CTDNEP1: variants seen among roughly 807,000 people sequenced by gnomAD.
The protein encoded by CTDNEP1 is C-terminal domain nuclear envelope phosphatase 1.
Under a neutral mutation model 30.1 loss-of-function variants are expected in CTDNEP1, and 3 were observed. The ratio of observed to expected loss-of-function variants is 0.10; its 90% CI spans 0.05 to 0.26. The LOEUF (loss-of-function observed/expected upper bound fraction) is 0.26. CTDNEP1 is among the 10% of genes least tolerant of loss of function. CTDNEP1 has a pLI of 1.00. For missense variants in CTDNEP1, 158 were observed against 310.4 expected, an observed-to-expected ratio of 0.51 and a Z score of 3.69; for synonymous variants, 123 against 118.8, an observed-to-expected ratio of 1.04 and a Z score of -0.23.
chr17:7,251,160 C>T lies in CTDNEP1; in HGVS notation c.102+35G>A, dbSNP rs760972042. ...GACAGATGTCCCCAACACCGCCAGA[C>T]GTCCCCAACACCGCCAGCGCCCACC... On this transcript the variant is annotated intron_variant, in intron 1 of 7. Coordinates refer to ENST00000574322, the MANE Select transcript of CTDNEP1 (RefSeq NM_001143775.2). The T allele has an allele frequency of 8.1e-6, 12 of 1,474,196 alleles. No homozygotes were observed. In the South Asian group the frequency reaches 9.8e-5, roughly 12 times the overall value. The allele number at this position is 1,474,196 out of a possible 1,614,324, so 91.3% of individuals were successfully genotyped here.
chr17:7,246,764 A>G lies in CTDNEP1; in HGVS notation c.360+27T>C, dbSNP rs1427561013. Reference sequence around the variant, plus strand: ...CCCTAAAACCATTCCTTCATTACAGAGCTCCCTTTAGCTCTCCAAAACTCA... The same window carrying G: ...CCCTAAAACCATTCCTTCATTACAGGGCTCCCTTTAGCTCTCCAAAACTCA... On this transcript the variant is annotated intron_variant, in intron 4 of 7. Transcript: ENST00000574322. This position sits in a 1 kb window ranked among gnomAD's most constrained non-coding sequence, Gnocchi z 4.9. 6.3e-7 allele frequency: 1 copy of G among 1,582,796 alleles called. No homozygotes were observed. The highest frequency in any genetic ancestry group is 2.2e-5 in the East Asian group (1 of 44,756).
At chr17:7,244,430 C>T (rs948324252) in intron 7 of CTDNEP1, 121 bp downstream of exon 7, 40 of 1,238,734 alleles carry the variant, frequency 3.2e-5, no homozygotes, top group Admixed American at 2.8e-4. Flanking sequence ...GACCTGGGTC[C>T]AAATGTTAAA....
rs751135159 is a variant in CTDNEP1, at chr17:7,251,179, G to A, written c.102+16C>T. 1.3e-6 allele frequency: 2 copies of A among 1,577,564 alleles called. No individual in the cohort carries two copies. The highest frequency in any genetic ancestry group is 1.2e-5 in the South Asian group (1 of 86,274). On this transcript the variant is annotated intron_variant, in intron 1 of 7. Coordinates refer to ENST00000574322, the MANE Select transcript of CTDNEP1 (RefSeq NM_001143775.2). ...GCCAGACGTCCCCAACACCGCCAGC[G>A]CCCACCCTGGCTCACCGTGCGGATC... is the stretch of plus-strand genomic sequence containing the variant.
Position 7,246,421 on chromosome 17 carries a change from T to C in CTDNEP1, c.361-51A>G, listed in dbSNP as rs1306951034. 7.7e-7 allele frequency: 1 copy of C among 1,294,730 alleles called. No homozygotes were observed. The highest frequency in any genetic ancestry group is 1.1e-6 in the Non-Finnish European group (1 of 892,748). The allele number at this position is 1,294,730 out of a possible 1,614,324, so 80.2% of individuals were successfully genotyped here. ...ATGCCATACAAGGTGATGATTCCTT[T>C]AGACATACAGTTATCTTTCAGAAAG... is the stretch of plus-strand genomic sequence containing the variant. On this transcript the variant is annotated intron_variant, in intron 4 of 7. Transcript: ENST00000574322. This position sits in a 1 kb window ranked among gnomAD's most constrained non-coding sequence, Gnocchi z 4.9.
Position 7,247,182 on chromosome 17 carries a change from G to A in CTDNEP1, c.170C>T (p.Ala57Val). 3 of 1,612,948 alleles carry A rather than the reference G, an allele frequency of 1.9e-6. No individual in the cohort carries two copies. The South Asian group carries it at 3.3e-5, about 18-fold the overall frequency. The change falls in exon 3 of 8, where the codon GCC becomes GTC. Residue 57 changes from alanine (A) to valine (V), a missense_variant and splice_region_variant. Around this residue, in one of 2 missense-constraint regions of CTDNEP1, gnomAD observed 62 missense variants for 81.4 expected, o/e 0.76. Coordinates refer to ENST00000574322, the MANE Select transcript of CTDNEP1 (RefSeq NM_001143775.2). ...CACCAGGATCTTCCTCTTCACCTGGGCTGAACCAGAGTGGGGAGGAATAAT... is the reference window on the plus strand; with the variant it reads ...CACCAGGATCTTCCTCTTCACCTGGACTGAACCAGAGTGGGGAGGAATAAT... Reference protein sequence around the residue: ...PLSPVSRNRLAQVKRKILVLD... With the variant: ...PLSPVSRNRLVQVKRKILVLD...
chr17:7,250,228 GGTACAGACCACA>G (rs1372468401), intron 1 of CTDNEP1, among the ~76,000 whole-genome samples: 5 of 152,022 alleles, frequency 3.3e-5, no homozygotes, highest in Non-Finnish European at 5.9e-5. Context: ...TATGCTAAGG[GGTACAGACCACA>G]GTACAGACCC....
chr17:7,250,843 C>T (rs1193507165), intron 1 of CTDNEP1, among the ~76,000 whole-genome samples: 3 of 152,106 alleles, frequency 2.0e-5, no homozygotes, highest in Non-Finnish European at 2.9e-5. Context: ...TTCCCAAGCC[C>T]ACATCCACAG....
rs1271923217 is a variant in CTDNEP1, at chr17:7,251,373, C to T, written c.-77G>A. 3.9e-6 allele frequency: 4 copies of T among 1,025,846 alleles called. No individual in the cohort carries two copies. Among genetic ancestry groups the T allele is most frequent in the South Asian group, 5.2e-5 (2 of 38,278 alleles). The allele number at this position is 1,025,846 out of a possible 1,614,324, so 63.5% of individuals were successfully genotyped here. A position where few individuals can be genotyped will look rare whatever the true frequency, so the allele number is the denominator to read the frequency against. On this transcript the variant is annotated 5_prime_UTR_variant, in exon 1 of 8. Transcript: ENST00000574322. Reference sequence around the variant, plus strand: ...CAGCCCCCCGGGGGCAGCCCCCCGCCGCCGGGAGGGGGAACGGGGGCCCCG... The same window carrying T: ...CAGCCCCCCGGGGGCAGCCCCCCGCTGCCGGGAGGGGGAACGGGGGCCCCG...
At position 7,246,362 on chromosome 17, in the gene CTDNEP1, C is replaced by T; in HGVS notation, c.369G>A (p.Gln123=). 6.2e-7 allele frequency: 1 copy of T among 1,611,720 alleles called. No homozygotes were observed. Among genetic ancestry groups the T allele is most frequent in the Non-Finnish European group, 8.5e-7 (1 of 1,178,444 alleles). The change falls in exon 5 of 8, where the codon CAG becomes CAA. Residue 123 remains glutamine, a synonymous_variant. Transcript: ENST00000574322. This position sits in a 1 kb window ranked among gnomAD's most constrained non-coding sequence, Gnocchi z 4.9. ...HVDFFLEVVS[Q]WYELVVFTAS... ...CTGTAAACACCACCAGCTCGTACCA[C>T]TGGCTCACCTGAAATAGATTGGGGG... is the stretch of plus-strand genomic sequence containing the variant.
chr17:7,247,030 T>G, intron 3 of CTDNEP1, 34 bp downstream of exon 3: 2 of 1,533,180 alleles, frequency 1.3e-6, no homozygotes, highest in Non-Finnish European at 1.8e-6. Flanking sequence ...GAGGAACAGA[T>G]GGAACCATTT....
At chr17:7,249,841 G>C (rs1416569353) in intron 1 of CTDNEP1, among the ~76,000 whole-genome samples, 5 of 152,176 alleles carry the variant, frequency 3.3e-5, no homozygotes, top group Admixed American at 3.3e-4. Flanking sequence ...AACCCAGGAA[G>C]TGGAGGTTGC....
chr17:7,244,980 A>C (rs369590694), intron 6 of CTDNEP1: 99 of 214,814 alleles, frequency 4.6e-4, no homozygotes, highest in African/African-American at 2.3e-3. Flanking sequence ...CAACATAATG[A>C]GATCCCTTCT....
chr17:7,248,815 A>G (rs978078825), intron 1 of CTDNEP1, among the ~76,000 whole-genome samples: 2 of 152,202 alleles, frequency 1.3e-5, no homozygotes, highest in Non-Finnish European at 2.9e-5. Flanking sequence ...AGTCGGGAGG[A>G]GATCCCTGGG....
At position 7,244,884 on chromosome 17, in the gene CTDNEP1, G is replaced by A. The variant is rs925548356; in HGVS notation, c.590-249C>T. On this transcript the variant is annotated intron_variant, in intron 6 of 7. Transcript: ENST00000574322. ...TCACTTGAAACACACTTGGCCAGGC[G>A]CAGTGGCTCACACCTGTTATCCCAA... The A allele has an allele frequency of 2.9e-5, 12 of 418,822 alleles. No homozygotes were observed. The East Asian group carries it at 3.0e-4, about 11-fold the overall frequency. 25.9% of individuals were successfully genotyped at this position (418,822 alleles called of 1,614,324 possible). A position where few individuals can be genotyped will look rare whatever the true frequency, so the allele number is the denominator to read the frequency against.
intron 1 of CTDNEP1, 127 bp from the exon 2 acceptor site, chr17:7,247,470 CTT>C (rs763334733): frequency 0.023 from 12,119 of 522,808 alleles, no homozygotes; most frequent in East Asian, 0.03. Flanking sequence ...ATTTCTTCTT[CTT>C]TTTTTTTTTT....
chr17:7,246,620 A>G lies in CTDNEP1; in HGVS notation c.360+171T>C, dbSNP rs1024464632. 1.5e-6 allele frequency: 1 copy of G among 687,172 alleles called. No individual in the cohort carries two copies. The highest frequency in any genetic ancestry group is 1.8e-5 in the South Asian group (1 of 56,870). 42.6% of individuals were successfully genotyped at this position (687,172 alleles called of 1,614,324 possible). A position where few individuals can be genotyped will look rare whatever the true frequency, so the allele number is the denominator to read the frequency against. On this transcript the variant is annotated intron_variant, in intron 4 of 7. Coordinates refer to ENST00000574322, the MANE Select transcript of CTDNEP1 (RefSeq NM_001143775.2). This position sits in a 1 kb window ranked among gnomAD's most constrained non-coding sequence, Gnocchi z 4.9. ...CAGCGGAAAAGAATTACATCAGCAC[A>G]ACAAATGAACCCCAAGTACTGAAAG...
rs1308787358 is a variant in CTDNEP1, at chr17:7,246,387, G to A, written c.361-17C>T. 4 of 1,565,300 alleles carry A rather than the reference G, an allele frequency of 2.6e-6. No homozygotes were observed. Among genetic ancestry groups the A allele is most frequent in the Middle Eastern group, 2.0e-4 (1 of 4,954 alleles). Reference sequence around the variant, plus strand: ...CTGGCTCACCTGAAATAGATTGGGGGAGAGGGCGATGCCATACAAGGTGAT... The same window carrying A: ...CTGGCTCACCTGAAATAGATTGGGGAAGAGGGCGATGCCATACAAGGTGAT... On this transcript the variant is annotated splice_polypyrimidine_tract_variant and intron_variant, in intron 4 of 7. Coordinates refer to ENST00000574322, the MANE Select transcript of CTDNEP1 (RefSeq NM_001143775.2). This position sits in a 1 kb window ranked among gnomAD's most constrained non-coding sequence, Gnocchi z 4.9.
chr17:7,249,015 G>C (rs547948261), intron 1 of CTDNEP1, among the ~76,000 whole-genome samples: 4 of 152,144 alleles, frequency 2.6e-5, no homozygotes, highest in Non-Finnish European at 4.4e-5. Flanking sequence ...GTGAGGCAAA[G>C]AACACTGGAA....
rs759894694 is a variant in CTDNEP1 at position 7,246,206 on chromosome 17, G to T, written c.477+48C>A. 3.8e-6 allele frequency: 6 copies of T among 1,572,540 alleles called. No homozygotes were observed. The highest frequency in any genetic ancestry group is 5.3e-6 in the Non-Finnish European group (6 of 1,142,386). Reference sequence around the variant, plus strand: ...TCTCCTCAAACCCAGATCCCTCCCTGGTGGCCTCCCTCCCAAGCCACACTC... The same window carrying T: ...TCTCCTCAAACCCAGATCCCTCCCTTGTGGCCTCCCTCCCAAGCCACACTC... On this transcript the variant is annotated intron_variant, in intron 5 of 7. Coordinates refer to ENST00000574322, the MANE Select transcript of CTDNEP1 (RefSeq NM_001143775.2). This position sits in a 1 kb window ranked among gnomAD's most constrained non-coding sequence, Gnocchi z 4.9.
Sources: gnomAD v4.1 joint callset for allele counts (sites outside exome capture counted in the v4.1 genomes callset) on GRCh38, gnomAD v4.1.1 for gene constraint, gnomAD v4.1.1 regional missense constraint, Gnocchi (gnomAD v3.1) non-coding constraint, MANE v1.5 for transcripts, NCBI Gene and HGNC (gene_info 2026-07-23, HGNC 2026-07-21) for gene names.